Variants in GLG1 observed in about 807,000 individuals in gnomAD.
GLG1 encodes the protein golgi glycoprotein 1, also known as Golgi apparatus protein 1.
GLG1 carries 38 observed loss-of-function variants against 160.5 expected under a neutral mutation model. The observed-to-expected ratio is 0.24, with a 90% CI of 0.18 to 0.31. The LOEUF (loss-of-function observed/expected upper bound fraction) is 0.31. Ranked by LOEUF, GLG1 falls within the 10% of genes least tolerant of loss-of-function variation. The probability of loss-of-function intolerance (pLI) is 1.00; values close to 1 mark genes in which losing one functional copy is unlikely to be tolerated. For missense variants in GLG1, 1,373 were observed against 1,505.2 expected (o/e 0.91, Z 1.45); for synonymous variants, 644 against 543.4 (o/e 1.19, Z -2.57).
intron 1 of GLG1, among the ~76,000 whole-genome samples, chr16:74,560,393 T>A (rs186249536): frequency 2.7e-5 from 4 of 145,502 alleles, no homozygotes; most frequent in Non-Finnish European, 5.9e-5. Context: ...AATGGCACGA[T>A]CTCAGCTCAC....
intron 1 of GLG1, among the ~76,000 whole-genome samples, chr16:74,551,363 C>T (rs538662030): frequency 1.3e-5 from 2 of 151,906 alleles, no homozygotes; most frequent in African/African-American, 2.4e-5. Flanking sequence ...GGTGTGATTT[C>T]GGCTCACTGC....
chr16:74,455,892 C>T (rs893895610), intron 25 of GLG1, among the ~76,000 whole-genome samples: 2 of 152,298 alleles, frequency 1.3e-5, no homozygotes, highest in East Asian at 1.9e-4. Flanking sequence ...TCCACCAAAG[C>T]GTTATGTAAA....
At chr16:74,494,498 C>T (rs1281918503) in intron 6 of GLG1, among the ~76,000 whole-genome samples, 1 of 148,168 alleles carries the variant, frequency 6.7e-6, no homozygotes, top group Non-Finnish European at 1.5e-5. Flanking sequence ...CCTCCACCTC[C>T]TGGGTTCAAG....
At chr16:74,498,745 AC>A (rs1490416812) in intron 4 of GLG1, among the ~76,000 whole-genome samples, 3 of 148,786 alleles carry the variant, frequency 2.0e-5, no homozygotes, top group Non-Finnish European at 4.4e-5. Flanking sequence ...CGTACCTATA[AC>A]CCCAGCTACT....
At chr16:74,457,582 G>A (rs1015682452) in intron 24 of GLG1, among the ~76,000 whole-genome samples, 1 of 152,106 alleles carries the variant, frequency 6.6e-6, no homozygotes, top group Non-Finnish European at 1.5e-5. Context: ...AAAGGACCAT[G>A]ATGATGACTT....
At chr16:74,456,885 T>C in intron 24 of GLG1, 130 bp from the exon 25 acceptor site, 1 of 664,114 alleles carries the variant, frequency 1.5e-6, no homozygotes, top group Admixed American at 2.7e-5. Context: ...GTTAAATACA[T>C]ACTAGGAAAC....
intron 23 of GLG1, chr16:74,458,267 G>A (rs747576897): frequency 2.4e-5 from 8 of 333,914 alleles, no homozygotes; most frequent in East Asian, 4.8e-5. Flanking sequence ...TGGCATTCCC[G>A]TATGTCATGT....
At chr16:74,529,075 T>G (rs1426707643) in intron 2 of GLG1, among the ~76,000 whole-genome samples, 1 of 151,382 alleles carries the variant, frequency 6.6e-6, no homozygotes, top group Admixed American at 6.6e-5. Flanking sequence ...CAAGCAATTC[T>G]CCCGCCTCAG....
chr16:74,504,868 C>A (rs2016540253), intron 3 of GLG1, among the ~76,000 whole-genome samples: 1 of 152,100 alleles, frequency 6.6e-6, no homozygotes, highest in African/African-American at 2.4e-5. Flanking sequence ...ATAAAGCAAA[C>A]TAGCCCCCAA....
chr16:74,454,666 C>CA lies in GLG1; in HGVS notation c.3373-1333dup, dbSNP rs58759187. 2.1e-3 allele frequency among the ~76,000 whole-genome samples: 80 copies of CA among 38,534 alleles called. 1 individual carries two copies. Among genetic ancestry groups the CA allele is most frequent in the African/African-American group, 6.7e-3 (70 of 10,510 alleles). The allele number at this position is 38,534 out of a possible 152,430, so 25.3% of individuals were successfully genotyped here. A position where few individuals can be genotyped will look rare whatever the true frequency, so the allele number is the denominator to read the frequency against. ...GGGCAACAGGACGAGAATCCGTCCC[C>CA]AAAAAAAAAAAAAAAAAAAAAAAAA... On this transcript the variant is annotated intron_variant, in intron 25 of 25. Coordinates refer to ENST00000422840, the MANE Select transcript of GLG1 (RefSeq NM_001145667.2).
intron 2 of GLG1, among the ~76,000 whole-genome samples, chr16:74,511,945 A>T (rs1278104220): frequency 6.6e-6 from 1 of 152,042 alleles, no homozygotes; most frequent in Non-Finnish European, 1.5e-5. Flanking sequence ...TGTTCATTTC[A>T]AATTGATATA....
intron 13 of GLG1, chr16:74,472,703 T>G (rs559147510): frequency 1.8e-6 from 1 of 544,436 alleles, no homozygotes; most frequent in Admixed American, 2.7e-5. Context: ...CATTAGAGTA[T>G]GCAAAGCCTT....
intron 2 of GLG1, among the ~76,000 whole-genome samples, chr16:74,514,695 T>A (rs996545188): frequency 6.6e-6 from 1 of 152,102 alleles, no homozygotes; most frequent in African/African-American, 2.4e-5. Flanking sequence ...CATGCCAAAT[T>A]GTAAAGACCA....
chr16:74,492,050 C>T (rs1382718323), intron 7 of GLG1, among the ~76,000 whole-genome samples: 1 of 152,012 alleles, frequency 6.6e-6, no homozygotes. Flanking sequence ...CTAAATCATG[C>T]TACCCTGAGT....
At chr16:74,591,627 C>T (rs1338772655) in intron 1 of GLG1, among the ~76,000 whole-genome samples, 1 of 151,044 alleles carries the variant, frequency 6.6e-6, no homozygotes, top group African/African-American at 2.4e-5. Flanking sequence ...GACTCTGTCT[C>T]GAAAAAAAAA....
chr16:74,496,819 AT>A (rs1247541375), intron 4 of GLG1, among the ~76,000 whole-genome samples, 175 bp from the exon 5 acceptor site: 1 of 152,074 alleles, frequency 6.6e-6, no homozygotes, highest in Non-Finnish European at 1.5e-5. Flanking sequence ...AACCAACCAC[AT>A]TGTGGAAGTT....
intron 1 of GLG1, among the ~76,000 whole-genome samples, chr16:74,551,569 C>T (rs996687682): frequency 1.1e-4 from 17 of 151,130 alleles, no homozygotes; most frequent in East Asian, 1.9e-4. Context: ...CTGTCCACCT[C>T]GGCCTCCCAA....
chr16:74,495,075 A>G (rs2016136320), intron 5 of GLG1, among the ~76,000 whole-genome samples: 1 of 148,002 alleles, frequency 6.8e-6, no homozygotes, highest in Admixed American at 6.7e-5. Context: ...TTTGTTAATT[A>G]GGGAACCAAG....
At chr16:74,456,861 G>A in intron 24 of GLG1, 106 bp from the exon 25 acceptor site, 1 of 744,318 alleles carries the variant, frequency 1.3e-6, no homozygotes, top group Non-Finnish European at 2.4e-6. Context: ...ATTCAGATCT[G>A]CAGGCTCAAC....
Sources: allele counts gnomAD v4.1 joint callset (sites outside exome capture counted in the v4.1 genomes callset), GRCh38; gene constraint gnomAD v4.1.1; transcripts MANE v1.5; gene names NCBI Gene and HGNC (gene_info 2026-07-23, HGNC 2026-07-21).